R3HDM2: variants seen among roughly 807,000 people sequenced by gnomAD.
R3HDM2 encodes the protein R3H domain-containing protein 2.
A neutral mutation model predicts 124.5 loss-of-function variants in R3HDM2; 38 were observed. The observed-to-expected ratio is 0.31, with a 90% CI of 0.24 to 0.40. The LOEUF (loss-of-function observed/expected upper bound fraction) is 0.40, where lower values mean the gene tolerates loss of function less well. R3HDM2 is among the 10% of genes least tolerant of loss of function. R3HDM2 has a pLI of 1.00. For synonymous variants in R3HDM2, 391 were observed against 448.0 expected (o/e 0.87, Z 1.61); for missense variants, 869 against 1,236.9 (o/e 0.70, Z 4.46).
At chr12:57,397,032 G>T (rs1421553213) in intron 1 of R3HDM2, among the ~76,000 whole-genome samples, 1 of 151,958 alleles carries the variant, frequency 6.6e-6, no homozygotes, top group Non-Finnish European at 1.5e-5. Flanking sequence ...GACAGAAATT[G>T]CAGTGAGCCA....
In R3HDM2 at chr12:57,269,385, G is replaced by C. The variant is rs367723573; in HGVS notation, c.1652C>G (p.Ser551Cys). 15 of 1,614,060 alleles carry C rather than the reference G, an allele frequency of 9.3e-6. No individual in the cohort carries two copies. The highest frequency in any genetic ancestry group is 1.3e-5 in the Non-Finnish European group (15 of 1,180,032). ...TTGGGGGCTATAGGCCACCGGGTGA[G>C]AGAGAGGTCGATATTGCTGGTTGGA... ...PNSNQQYRPL[S>C]HPVAYSPQRG... Residue 551 changes from serine (S) to cysteine (C), a missense_variant, in exon 16 of 24, where the codon TCT becomes TGT. Ser to Cys is a moderately radical substitution (Grantham distance 112, BLOSUM62 -1). Around this residue, in one of 2 missense-constraint regions of R3HDM2, gnomAD observed 602 missense variants for 789.2 expected, o/e 0.76. Transcript: ENST00000402412.
At chr12:57,402,673 G>A (rs1003582868) in intron 1 of R3HDM2, among the ~76,000 whole-genome samples, 3 of 152,050 alleles carry the variant, frequency 2.0e-5, no homozygotes, top group African/African-American at 7.2e-5. Context: ...GGGAGGCTGA[G>A]GCGGGAGAAT....
At chr12:57,423,664 T>A (rs1390014561) in intron 1 of R3HDM2, among the ~76,000 whole-genome samples, 1 of 148,592 alleles carries the variant, frequency 6.7e-6, no homozygotes, top group Admixed American at 6.8e-5. Flanking sequence ...ATACAAAAAT[T>A]AGCCAGACGT....
intron 2 of R3HDM2, among the ~76,000 whole-genome samples, chr12:57,337,898 T>C (rs961587642): frequency 4.6e-5 from 7 of 152,198 alleles, no homozygotes; most frequent in African/African-American, 1.4e-4. Flanking sequence ...TCACAATTAT[T>C]TGAATTTAAC....
Position 57,430,586 on chromosome 12 carries a change from C to A in R3HDM2, c.-106+134G>T, listed in dbSNP as rs867598092. Reference sequence around the variant, plus strand: ...CCGCGGCCATCCGACCCTGACCCATCGTCCCCGGGACCGGCTGCCGGGCGC... The same window carrying A: ...CCGCGGCCATCCGACCCTGACCCATAGTCCCCGGGACCGGCTGCCGGGCGC... On this transcript the variant is annotated intron_variant, in intron 1 of 23. Transcript: ENST00000402412. The A allele has an allele frequency of 2.4e-5, 24 of 984,992 alleles. No individual in the cohort carries two copies. In the African/African-American group the frequency reaches 3.7e-4, roughly 15 times the overall value. The allele number at this position is 984,992 out of a possible 1,614,324, so 61.0% of individuals were successfully genotyped here.
chr12:57,317,845 T>TG (rs907048003), intron 2 of R3HDM2, among the ~76,000 whole-genome samples: 13 of 151,042 alleles, frequency 8.6e-5, no homozygotes, highest in East Asian at 2.0e-4. Flanking sequence ...CCGGGTGTGG[T>TG]GGGGGGTGCC....
In R3HDM2 at chr12:57,380,093, T is replaced by C. The variant is rs188427859; in HGVS notation, c.-36+15656A>G. Among the ~76,000 whole-genome samples, 373 of 152,290 alleles carry C rather than the reference T, an allele frequency of 2.4e-3. 1 individual carries two copies. Among genetic ancestry groups the C allele is most frequent in the African/African-American group, 7.7e-3 (322 of 41,570 alleles). On this transcript the variant is annotated intron_variant, in intron 2 of 23. Transcript: ENST00000402412. Reference sequence around the variant, plus strand: ...GTTTTAAGCTCCAAATGTAATAGGATGTAACAGAAAGAAGTCCAAAAAAGC... The same window carrying C: ...GTTTTAAGCTCCAAATGTAATAGGACGTAACAGAAAGAAGTCCAAAAAAGC...
In R3HDM2 at chr12:57,296,423, C is replaced by G; in HGVS notation, c.689G>C (p.Ser230Thr). ...TGKAVIINKT[S>T]NTRIPEQRFS... ...TTTCCTCCCTTACATTCTTGTGTTA[C>G]TAGTTTTGTTGATGATGACAGCTTT... is the stretch of plus-strand genomic sequence containing the variant. The change falls in exon 9 of 24, where the codon AGT becomes ACT. Residue 230 changes from serine (S) to threonine (T), a missense_variant. Ser to Thr is a moderately conservative substitution (Grantham distance 58). Around this residue, in one of 2 missense-constraint regions of R3HDM2, gnomAD observed 267 missense variants for 447.7 expected, o/e 0.60. Coordinates refer to ENST00000402412, the MANE Select transcript of R3HDM2 (RefSeq NM_001394031.1). The surrounding 1 kb of genome is among the most constrained non-coding windows in gnomAD (Gnocchi z 4.5). 6.4e-7 allele frequency: 1 copy of G among 1,552,270 alleles called. No individual in the cohort carries two copies. The highest frequency in any genetic ancestry group is 1.2e-5 in the South Asian group (1 of 84,054).
intron 2 of R3HDM2, among the ~76,000 whole-genome samples, chr12:57,386,474 G>A (rs902236155): frequency 6.6e-6 from 1 of 152,248 alleles, no homozygotes; most frequent in Non-Finnish European, 1.5e-5. Context: ...TGCTGTGCTC[G>A]ACTTCTTGCC....
At chr12:57,283,764 T>C in intron 13 of R3HDM2, 60 bp downstream of exon 13, 2 of 1,528,976 alleles carry the variant, frequency 1.3e-6, no homozygotes, top group Non-Finnish European at 1.8e-6. Flanking sequence ...ATCAGTGATG[T>C]TTCACAGGAG....
chr12:57,419,200 G>A (rs2069948880), intron 1 of R3HDM2, among the ~76,000 whole-genome samples: 1 of 148,420 alleles, frequency 6.7e-6, no homozygotes, highest in Admixed American at 6.8e-5. Context: ...CTGGAGTACA[G>A]TGGAGTGATC....
At chr12:57,323,631 A>G (rs2056813939) in intron 2 of R3HDM2, among the ~76,000 whole-genome samples, 1 of 152,206 alleles carries the variant, frequency 6.6e-6, no homozygotes. Context: ...GAGAGAAACA[A>G]GATTAAAATG....
chr12:57,383,685 G>C (rs1002524220), intron 2 of R3HDM2, among the ~76,000 whole-genome samples: 1 of 152,154 alleles, frequency 6.6e-6, no homozygotes, highest in African/African-American at 2.4e-5. Flanking sequence ...CTGGGTAACA[G>C]AGCGAGACTC....
chr12:57,269,258 CTTCT>C (rs2062724369), intron 16 of R3HDM2, 61 bp downstream of exon 16: 9 of 1,593,862 alleles, frequency 5.6e-6, no homozygotes, highest in Non-Finnish European at 7.7e-6. Context: ...GGAGAAGGTA[CTTCT>C]TTCTTTCCTG....
chr12:57,257,922 T>A, intron 21 of R3HDM2, 68 bp downstream of exon 21: 1 of 1,371,384 alleles, frequency 7.3e-7, no homozygotes, highest in African/African-American at 1.4e-5. Context: ...ACTCTTTCAA[T>A]CTCTGCAATT....
chr12:57,294,751 T>A (rs79228488), intron 10 of R3HDM2, among the ~76,000 whole-genome samples: 203 of 152,270 alleles, frequency 1.3e-3, no homozygotes, highest in African/African-American at 4.6e-3. Context: ...GTCAAAGCAA[T>A]AGCCAGGCCC....
chr12:57,347,035 A>G (rs530263797), intron 2 of R3HDM2, among the ~76,000 whole-genome samples: 1 of 152,288 alleles, frequency 6.6e-6, no homozygotes, highest in East Asian at 1.9e-4. Context: ...ACCTGAGGCC[A>G]GGAGTTCAAG....
At chr12:57,255,578 A>G (rs759017937) in intron 23 of R3HDM2, among the ~76,000 whole-genome samples, 1 of 152,162 alleles carries the variant, frequency 6.6e-6, no homozygotes, top group Non-Finnish European at 1.5e-5. Flanking sequence ...CTTGTTTAGG[A>G]AATTGCTCCA....
In R3HDM2 at chr12:57,258,011, G is replaced by C; in HGVS notation, c.2428C>G (p.Arg810Gly). 2 of 1,572,516 alleles carry C rather than the reference G, an allele frequency of 1.3e-6. No individual in the cohort carries two copies. The highest frequency in any genetic ancestry group is 1.7e-6 in the Non-Finnish European group (2 of 1,152,840). Residue 810 changes from arginine to glycine, a missense_variant, in exon 21 of 24, where the codon CGG becomes GGG. By Grantham distance (125) the Arg-to-Gly change is moderately radical. This residue lies in a region of R3HDM2 where 602 missense variants were observed against 789.2 expected (regional missense o/e 0.76). Transcript: ENST00000402412. ...CTACCCTGTGCTGGACCCCCAGGCCGGGGGAACTGTGTGAGGACAGGCAGG... is the reference window on the plus strand; with the variant it reads ...CTACCCTGTGCTGGACCCCCAGGCCCGGGGAACTGTGTGAGGACAGGCAGG... ...SPLPVLTQFPRPGGPAQGDGR... is the reference protein window; with the variant it reads ...SPLPVLTQFPGPGGPAQGDGR...
Sources: allele counts gnomAD v4.1 joint callset (sites outside exome capture counted in the v4.1 genomes callset), GRCh38; gene constraint gnomAD v4.1.1; regional missense constraint gnomAD v4.1.1; non-coding constraint Gnocchi (gnomAD v3.1); transcripts MANE v1.5; gene names NCBI Gene and HGNC (gene_info 2026-07-23, HGNC 2026-07-21).